ZBTB20: variants seen among roughly 807,000 people sequenced by gnomAD.
ZBTB20 encodes the protein zinc finger and BTB domain-containing protein 20.
Under a neutral mutation model 56.9 loss-of-function variants are expected in ZBTB20, and 9 were observed. The observed-to-expected ratio is 0.16, with a 90% confidence interval of 0.10 to 0.28. The LOEUF (loss-of-function observed/expected upper bound fraction) is 0.28. Ranked by LOEUF, ZBTB20 falls within the 10% of genes least tolerant of loss-of-function variation. The pLI, the probability that ZBTB20 is intolerant of heterozygous loss-of-function variation, is 1.00. For synonymous variants in ZBTB20, 417 were observed against 420.7 expected (o/e 0.99, Z 0.11); for missense variants, 655 against 1,003.0 (o/e 0.65, Z 4.69).
chr3:114,755,024 G>A lies in ZBTB20; in HGVS notation c.-343+46077C>T, dbSNP rs556126903. On this transcript the variant is annotated intron_variant, in intron 5 of 11. Transcript: ENST00000675478. The stretch of plus-strand genomic sequence containing the variant: ...ACTAACCTGGGCAGTTTCCTAAACT[G>A]CAGATCCAGGCTACATTCTCAGAGC... Among the ~76,000 whole-genome samples the A allele has an allele frequency of 9.2e-5, 14 of 152,246 alleles. No individual in the cohort carries two copies. The East Asian group carries it at 2.7e-3, about 29-fold the overall frequency.
At chr3:114,480,794 G>T (rs2041450705) in intron 7 of ZBTB20, among the ~76,000 whole-genome samples, 1 of 151,974 alleles carries the variant, frequency 6.6e-6, no homozygotes, top group Admixed American at 6.6e-5. Flanking sequence ...AGGCAAAGAG[G>T]ATGGTAAGTC....
At chr3:114,384,872 C>T (rs2084898030) in intron 8 of ZBTB20, among the ~76,000 whole-genome samples, 1 of 152,154 alleles carries the variant, frequency 6.6e-6, no homozygotes, top group Non-Finnish European at 1.5e-5. Flanking sequence ...TTAACCAGAT[C>T]GGCGGCATTT....
chr3:114,563,903 T>G (rs2052400749), intron 6 of ZBTB20, among the ~76,000 whole-genome samples: 1 of 152,214 alleles, frequency 6.6e-6, no homozygotes, highest in Non-Finnish European at 1.5e-5. Context: ...ATGGGAACTG[T>G]ATTAGTTTCC....
At chr3:114,468,527 A>G (rs1054449236) in intron 7 of ZBTB20, among the ~76,000 whole-genome samples, 27 of 152,188 alleles carry the variant, frequency 1.8e-4, no homozygotes, top group Non-Finnish European at 1.6e-4. Flanking sequence ...ATGTATACAT[A>G]GTTTAGTAAT....
At chr3:115,059,522 G>C (rs1314094678) in intron 2 of ZBTB20, among the ~76,000 whole-genome samples, 2 of 152,120 alleles carry the variant, frequency 1.3e-5, no homozygotes, top group African/African-American at 4.8e-5. Context: ...CACCTTTTCA[G>C]CTCTCTGGTT....
At chr3:114,636,314 G>A (rs2059269202) in intron 6 of ZBTB20, among the ~76,000 whole-genome samples, 1 of 152,090 alleles carries the variant, frequency 6.6e-6, no homozygotes, top group Non-Finnish European at 1.5e-5. Context: ...TGAAATGAAA[G>A]GATGTTGATT....
intron 2 of ZBTB20, among the ~76,000 whole-genome samples, chr3:115,005,140 A>G (rs1438534172): frequency 1.3e-5 from 2 of 151,814 alleles, no homozygotes; most frequent in African/African-American, 4.8e-5. Flanking sequence ...TTTGTTTTCA[A>G]TTCTTCACTT....
intron 4 of ZBTB20, among the ~76,000 whole-genome samples, chr3:114,825,453 A>G (rs1038794497): frequency 3.9e-4 from 60 of 152,048 alleles, no homozygotes; most frequent in Middle Eastern, 3.4e-3. Flanking sequence ...AAGGCATTTT[A>G]GAAGTGATGT....
intron 1 of ZBTB20, among the ~76,000 whole-genome samples, chr3:115,086,977 G>T (rs2083008568): frequency 6.6e-6 from 1 of 151,788 alleles, no homozygotes; most frequent in African/African-American, 2.4e-5. Flanking sequence ...TATCATATCA[G>T]TGAGAAGTTG....
At chr3:115,091,159 T>C (rs1318481693) in intron 1 of ZBTB20, among the ~76,000 whole-genome samples, 1 of 152,044 alleles carries the variant, frequency 6.6e-6, no homozygotes, top group Non-Finnish European at 1.5e-5. Flanking sequence ...TCATCCATTA[T>C]AATACTATTT....
At chr3:114,721,634 G>GT (rs2064920191) in intron 5 of ZBTB20, among the ~76,000 whole-genome samples, 1 of 152,144 alleles carries the variant, frequency 6.6e-6, no homozygotes, top group Admixed American at 6.6e-5. Flanking sequence ...TATGCAGTTA[G>GT]TAAGTGGTGA....
intron 7 of ZBTB20, among the ~76,000 whole-genome samples, chr3:114,437,337 C>A (rs2722021): frequency 1.3e-5 from 2 of 152,052 alleles, no homozygotes; most frequent in African/African-American, 4.8e-5. Flanking sequence ...GCTCAACAGG[C>A]GGTCAGCAAA....
Position 114,356,013 on chromosome 3 carries a change from C to T in ZBTB20, c.200-4135G>A, listed in dbSNP as rs184498070. 3 of 152,152 alleles carry T rather than the reference C, an allele frequency of 2.0e-5. 1 individual carries two copies. In the South Asian group the frequency reaches 6.2e-4, roughly 32 times the overall value. The allele number at this position is 152,152 out of a possible 1,614,324, so 9.4% of individuals were successfully genotyped here. On this transcript the variant is annotated intron_variant, in intron 10 of 11. Coordinates refer to ENST00000675478, the MANE Select transcript of ZBTB20 (RefSeq NM_001348800.3). ...AAATGAAATAGTGATAAAAATAGTT[C>T]TCTGTGTTTTAAAATAATAACTTAC...
chr3:114,818,371 T>A (rs994613779), intron 4 of ZBTB20, among the ~76,000 whole-genome samples: 1 of 152,098 alleles, frequency 6.6e-6, no homozygotes, highest in Non-Finnish European at 1.5e-5. Flanking sequence ...GCAAGAGCAA[T>A]TTGATAGTGG....
chr3:114,387,212 G>A (rs566025580), intron 8 of ZBTB20: 7 of 152,270 alleles, frequency 4.6e-5, no homozygotes, highest in African/African-American at 1.7e-4. Flanking sequence ...CCACTTCCAA[G>A]CCTTGTGACT....
intron 10 of ZBTB20, 121 bp from the exon 11 acceptor site, chr3:114,351,999 C>A: frequency 1.6e-6 from 2 of 1,266,114 alleles, no homozygotes; most frequent in South Asian, 3.0e-5. Flanking sequence ...CCCTTACATA[C>A]GCAAGTGGGG....
At chr3:114,906,086 C>T (rs1299242376) in intron 3 of ZBTB20, among the ~76,000 whole-genome samples, 1 of 151,674 alleles carries the variant, frequency 6.6e-6, no homozygotes, top group Non-Finnish European at 1.5e-5. Context: ...TTGTATACTC[C>T]ATAGAGGCCA....
chr3:114,415,730 G>A (rs937258538), intron 7 of ZBTB20, among the ~76,000 whole-genome samples: 8 of 152,106 alleles, frequency 5.3e-5, no homozygotes, highest in East Asian at 1.9e-4. Flanking sequence ...GAGAGAGCAC[G>A]GGGCTTGATA....
chr3:114,937,434 T>G (rs112237327), intron 3 of ZBTB20, among the ~76,000 whole-genome samples: 1 of 151,768 alleles, frequency 6.6e-6, no homozygotes, highest in Non-Finnish European at 1.5e-5. Context: ...TCTTCTTTTT[T>G]TTTTTTAGAT....
Sources: allele counts gnomAD v4.1 joint callset (sites outside exome capture counted in the v4.1 genomes callset), GRCh38; gene constraint gnomAD v4.1.1; transcripts MANE v1.5; gene names NCBI Gene and HGNC (gene_info 2026-07-23, HGNC 2026-07-21).